The following HIPK2 variants were observed in gnomAD, a reference collection of about 807,000 sequenced individuals.
HIPK2 encodes homeodomain interacting protein kinase 2.
HIPK2 carries 27 observed loss-of-function variants against 113.7 expected under a neutral mutation model. That is an observed-to-expected ratio of 0.24 (90% CI 0.17 to 0.33). HIPK2 has a LOEUF of 0.33. HIPK2 is among the 10% of genes least tolerant of loss of function. The probability of loss-of-function intolerance (pLI) is 1.00; values close to 1 mark genes in which losing one functional copy is unlikely to be tolerated. For synonymous variants in HIPK2, 631 were observed against 642.2 expected, an observed-to-expected ratio of 0.98 and a Z score of 0.26; for missense variants, 1,257 against 1,588.0, an observed-to-expected ratio of 0.79 and a Z score of 3.54.
intron 12 of HIPK2, among the ~76,000 whole-genome samples, chr7:139,591,072 C>G (rs1262413653): frequency 6.6e-6 from 1 of 152,190 alleles, no homozygotes; most frequent in African/African-American, 2.4e-5. Flanking sequence ...GTCTCAAACT[C>G]TTGGCCTCAA....
rs1569470758 is a variant in HIPK2 at position 139,672,566 on chromosome 7, G to A, written c.1104-40841C>T. ...CTGCAACCTCTGCCTCCTGGGTTCAGGTGATTCTCCTGCCTCAGCCTCCTG... is the reference window on the plus strand; with the variant it reads ...CTGCAACCTCTGCCTCCTGGGTTCAAGTGATTCTCCTGCCTCAGCCTCCTG... On this transcript the variant is annotated intron_variant, in intron 2 of 14. Coordinates refer to ENST00000406875, the MANE Select transcript of HIPK2 (RefSeq NM_022740.5). Among the ~76,000 whole-genome samples the A allele has an allele frequency of 3.9e-5, 6 of 152,192 alleles. No individual in the cohort carries two copies. The South Asian group carries it at 1.2e-3, about 32-fold the overall frequency.
chr7:139,658,374 TA>T (rs1410921611), intron 2 of HIPK2, among the ~76,000 whole-genome samples: 1 of 152,134 alleles, frequency 6.6e-6, no homozygotes, highest in Non-Finnish European at 1.5e-5. Flanking sequence ...AACTTCATTG[TA>T]TGTTTAATTA....
intron 1 of HIPK2, among the ~76,000 whole-genome samples, chr7:139,723,298 A>T (rs940190765): frequency 6.6e-6 from 1 of 151,488 alleles, no homozygotes; most frequent in African/African-American, 2.4e-5. Flanking sequence ...AGTTCAAGCG[A>T]ATCTCCTGCC....
At chr7:139,700,043 C>A (rs975564361) in intron 2 of HIPK2, among the ~76,000 whole-genome samples, 1 of 152,178 alleles carries the variant, frequency 6.6e-6, no homozygotes, top group Admixed American at 6.5e-5. Context: ...TCTGTGCTAA[C>A]CAAGCATGAG....
At chr7:139,647,958 G>A (rs2116439636) in intron 2 of HIPK2, among the ~76,000 whole-genome samples, 1 of 152,344 alleles carries the variant, frequency 6.6e-6, no homozygotes, top group East Asian at 1.9e-4. Flanking sequence ...ATTTAGGCTT[G>A]TCCTGGATTC....
At chr7:139,596,445 G>A (rs1305138419) in intron 12 of HIPK2, among the ~76,000 whole-genome samples, 3 of 152,188 alleles carry the variant, frequency 2.0e-5, no homozygotes, top group African/African-American at 7.2e-5. Context: ...TTGTGTGCCC[G>A]ATTTTTATGG....
intron 2 of HIPK2, among the ~76,000 whole-genome samples, chr7:139,684,682 A>C (rs1794165163): frequency 6.6e-6 from 1 of 152,164 alleles, no homozygotes; most frequent in South Asian, 2.1e-4. Context: ...GCACCAATGC[A>C]CTCCAGCCTG....
chr7:139,606,553 A>G (rs1476441761), intron 9 of HIPK2, among the ~76,000 whole-genome samples: 2 of 152,258 alleles, frequency 1.3e-5, no homozygotes, highest in East Asian at 3.8e-4. Flanking sequence ...TAAGTGAATT[A>G]ACAGACTGAA....
At position 139,564,308 on chromosome 7, in the gene HIPK2, GC is replaced by G. The variant is rs1274942719; in HGVS notation, c.*8618del. ...AACGCTGATCAAAATATCACCCCCG[GC>G]CCAGAAGTAGCAGCTGTGCCTTCAT... is the stretch of plus-strand genomic sequence containing the variant. On this transcript the variant is annotated 3_prime_UTR_variant, in exon 15 of 15. Transcript: ENST00000406875. 1.1e-5 allele frequency: 2 copies of G among 183,272 alleles called. No homozygotes were observed. The highest frequency in any genetic ancestry group is 2.2e-5 in the Non-Finnish European group (2 of 88,894). 11.4% of individuals were successfully genotyped at this position (183,272 alleles called of 1,614,324 possible).
chr7:139,710,874 CTCTT>C (rs1795044382), intron 2 of HIPK2, among the ~76,000 whole-genome samples: 1 of 152,156 alleles, frequency 6.6e-6, no homozygotes, highest in Admixed American at 6.5e-5. Context: ...CCCCACCTCT[CTCTT>C]TCTCCTTCTC....
chr7:139,721,508 A>G (rs770424638), intron 1 of HIPK2, among the ~76,000 whole-genome samples: 11 of 152,172 alleles, frequency 7.2e-5, no homozygotes, highest in Non-Finnish European at 1.5e-4. Flanking sequence ...GGGGGACTCA[A>G]TGTTTTTTTC....
At chr7:139,605,911 CA>C in intron 9 of HIPK2, among the ~76,000 whole-genome samples, 1 of 152,136 alleles carries the variant, frequency 6.6e-6, no homozygotes. Flanking sequence ...AAATAAATAA[CA>C]ATTTCGTTTG....
chr7:139,564,011 T>C lies in HIPK2; in HGVS notation c.*8916A>G, dbSNP rs561193061. 12 of 398,500 alleles carry C rather than the reference T, an allele frequency of 3.0e-5. No individual in the cohort carries two copies. In the East Asian group the frequency reaches 3.2e-4, roughly 11 times the overall value. 24.7% of individuals were successfully genotyped at this position (398,500 alleles called of 1,614,324 possible). ...TCGAAGCATCTTCTTGTTCCAAATA[T>C]GATGTCTGTTTAGAGTGGGTCTCAA... On this transcript the variant is annotated 3_prime_UTR_variant, in exon 15 of 15. Coordinates refer to ENST00000406875, the MANE Select transcript of HIPK2 (RefSeq NM_022740.5).
At chr7:139,588,147 G>A (rs183174568) in intron 12 of HIPK2, among the ~76,000 whole-genome samples, 156 of 151,638 alleles carry the variant, frequency 1.0e-3, no homozygotes, top group African/African-American at 3.6e-3. Context: ...GCAAAACCCC[G>A]TCTCTACTAA....
chr7:139,565,063 A>C lies in HIPK2; in HGVS notation c.*7864T>G, dbSNP rs1798053625. On this transcript the variant is annotated 3_prime_UTR_variant, in exon 15 of 15. Coordinates refer to ENST00000406875, the MANE Select transcript of HIPK2 (RefSeq NM_022740.5). The stretch of plus-strand genomic sequence containing the variant: ...TAATCATTATTTTCAGCCCACAGAG[A>C]ATTCATAGTCTTTAAATTCCAAGAT... 1 of 152,178 alleles carries C rather than the reference A, an allele frequency of 6.6e-6. No individual in the cohort carries two copies. Among genetic ancestry groups the C allele is most frequent in the Non-Finnish European group, 1.5e-5 (1 of 68,036 alleles). The allele number at this position is 152,178 out of a possible 1,614,324, so 9.4% of individuals were successfully genotyped here.
chr7:139,690,100 G>A (rs895054905), intron 2 of HIPK2, among the ~76,000 whole-genome samples: 7 of 152,054 alleles, frequency 4.6e-5, no homozygotes, highest in African/African-American at 1.7e-4. Flanking sequence ...AGCTGACACA[G>A]CAGGTTTAAA....
intron 2 of HIPK2, among the ~76,000 whole-genome samples, chr7:139,667,979 T>G (rs1339985158): frequency 6.6e-6 from 1 of 151,424 alleles, no homozygotes; most frequent in African/African-American, 2.4e-5. Context: ...AATACAAAAA[T>G]TAGCCGGGTG....
intron 1 of HIPK2, among the ~76,000 whole-genome samples, chr7:139,751,206 A>T (rs929059248): frequency 1.7e-5 from 2 of 120,184 alleles, no homozygotes; most frequent in Non-Finnish European, 3.1e-5. Context: ...ATAGTTAAAA[A>T]ACACTACAAT....
intron 2 of HIPK2, among the ~76,000 whole-genome samples, chr7:139,706,514 G>A (rs1157589327): frequency 6.6e-6 from 1 of 152,194 alleles, no homozygotes; most frequent in African/African-American, 2.4e-5. Flanking sequence ...TTCCACTGAT[G>A]AGCCTTAGGA....
Sources: gnomAD v4.1 joint callset for allele counts (sites outside exome capture counted in the v4.1 genomes callset) on GRCh38, gnomAD v4.1.1 for gene constraint, MANE v1.5 for transcripts, NCBI Gene and HGNC (gene_info 2026-07-23, HGNC 2026-07-21) for gene names.